DNAH5: variants seen among roughly 807,000 people sequenced by gnomAD.
DNAH5 encodes dynein axonemal heavy chain 5, also known as axonemal beta dynein heavy chain 5.
Under a neutral mutation model 518.2 loss-of-function variants are expected in DNAH5, and 372 were observed. The observed-to-expected ratio is 0.72, with a 90% CI of 0.66 to 0.78. The LOEUF is 0.78. DNAH5 is among the 30% of genes least tolerant of loss of function. The pLI, the probability that DNAH5 is intolerant of heterozygous loss-of-function variation, is 0.00. For synonymous variants in DNAH5, 2,039 were observed against 2,025.9 expected (o/e 1.01, Z -0.17); for missense variants, 5,523 against 5,687.0 (o/e 0.97, Z 0.93).
intron 47 of DNAH5, among the ~76,000 whole-genome samples, chr5:13,796,057 A>G (rs1757771727): frequency 6.6e-6 from 1 of 152,216 alleles, no homozygotes; most frequent in East Asian, 1.9e-4. Flanking sequence ...TCTCAAAATA[A>G]TAAGAGCTAT....
chr5:13,714,714 T>C, intron 74 of DNAH5, 94 bp from the exon 75 acceptor site: 1 of 1,193,532 alleles, frequency 8.4e-7, no homozygotes, highest in Admixed American at 2.0e-5. Context: ...TCTATGAGGG[T>C]ATGCATTTAC....
intron 22 of DNAH5, 110 bp downstream of exon 22, chr5:13,876,574 G>T: frequency 7.7e-7 from 1 of 1,297,890 alleles, no homozygotes; most frequent in African/African-American, 1.5e-5. Context: ...CTCCCTGAAA[G>T]CACAGTGTGT....
chr5:13,919,467 G>T, intron 6 of DNAH5, 115 bp from the exon 7 acceptor site: 1 of 1,272,128 alleles, frequency 7.9e-7, no homozygotes, highest in Non-Finnish European at 1.1e-6. Context: ...CATGATATAT[G>T]CGTATTCCAT....
chr5:13,900,123 T>C, intron 15 of DNAH5, 83 bp downstream of exon 15: 1 of 1,265,188 alleles, frequency 7.9e-7, no homozygotes, highest in East Asian at 2.5e-5. Flanking sequence ...TTTCTGCTCC[T>C]TGAATATGAC....
intron 1 of DNAH5, among the ~76,000 whole-genome samples, chr5:13,944,079 T>C (rs1181473453): frequency 6.6e-6 from 1 of 152,218 alleles, no homozygotes; most frequent in East Asian, 1.9e-4. Flanking sequence ...GAATACAAAG[T>C]GCCCAAACCA....
At chr5:13,843,307 T>G (rs953912535) in intron 32 of DNAH5, among the ~76,000 whole-genome samples, 4 of 152,144 alleles carry the variant, frequency 2.6e-5, no homozygotes, top group Non-Finnish European at 5.9e-5. Flanking sequence ...ACAAATCAGG[T>G]CACTGCCCTG....
intron 55 of DNAH5, 74 bp downstream of exon 55, chr5:13,776,365 C>T (rs1250799423): frequency 2.5e-6 from 4 of 1,592,766 alleles, no homozygotes; most frequent in Non-Finnish European, 3.4e-6. Flanking sequence ...TGAGGCAGAG[C>T]CTTCAAGCAT....
chr5:13,823,491 T>TA, intron 39 of DNAH5, 121 bp from the exon 40 acceptor site: 1 of 695,982 alleles, frequency 1.4e-6, no homozygotes, highest in Non-Finnish European at 2.6e-6. Flanking sequence ...ACAAATAACA[T>TA]ATCACCTTTA....
At chr5:13,864,892 C>T (rs1384123839) in intron 27 of DNAH5, among the ~76,000 whole-genome samples, 3 of 151,916 alleles carry the variant, frequency 2.0e-5, no homozygotes, top group East Asian at 1.9e-4. Flanking sequence ...TATTTTAGAG[C>T]GTAGAGGTGC....
chr5:13,946,093 G>C (rs1282231167), upstream of DNAH5, among the ~76,000 whole-genome samples: 1 of 152,170 alleles, frequency 6.6e-6, no homozygotes, highest in Non-Finnish European at 1.5e-5. Flanking sequence ...AGAATCCTCT[G>C]TCAACACATG....
At chr5:13,728,117 T>G (rs1451820352) in intron 69 of DNAH5, among the ~76,000 whole-genome samples, 1 of 152,226 alleles carries the variant, frequency 6.6e-6, no homozygotes, top group Non-Finnish European at 1.5e-5. Flanking sequence ...AATGAACAGC[T>G]TTTTGATCAA....
rs938574571 is a variant in DNAH5 at position 13,711,237 on chromosome 5, C to T, written c.13126-2902G>A. Among the ~76,000 whole-genome samples, 54 of 152,132 alleles carry T rather than the reference C, an allele frequency of 3.5e-4. 1 individual carries two copies. The highest frequency in any genetic ancestry group is 7.2e-5 in the African/African-American group (3 of 41,420). On this transcript the variant is annotated intron_variant, in intron 75 of 78. Transcript: ENST00000265104. Reference sequence around the variant, plus strand: ...CATACGCAAGTCAATAAATGTGATACACCACATAAACAGAATTAAAAACAA... The same window carrying T: ...CATACGCAAGTCAATAAATGTGATATACCACATAAACAGAATTAAAAACAA...
intron 53 of DNAH5, among the ~76,000 whole-genome samples, chr5:13,779,484 A>C (rs924101203): frequency 1.3e-5 from 2 of 152,192 alleles, no homozygotes; most frequent in Non-Finnish European, 2.9e-5. Flanking sequence ...TGTTCTGCTT[A>C]TCAGTGCCTG....
chr5:13,694,095 T>C (rs1741048137), intron 78 of DNAH5, among the ~76,000 whole-genome samples: 1 of 152,200 alleles, frequency 6.6e-6, no homozygotes, highest in East Asian at 1.9e-4. Context: ...TTTATAAACC[T>C]TGAAGTAAGC....
intron 7 of DNAH5, 30 bp from the exon 8 acceptor site, chr5:13,917,286 T>C (rs749327122): frequency 6.5e-7 from 1 of 1,535,030 alleles, no homozygotes; most frequent in East Asian, 2.3e-5. Flanking sequence ...GCAATTTTAA[T>C]GTAATTATTA....
At chr5:13,923,503 GA>G (rs1255497167) in intron 3 of DNAH5, 63 bp from the exon 4 acceptor site, 2 of 1,585,888 alleles carry the variant, frequency 1.3e-6, no homozygotes, top group Non-Finnish European at 1.7e-6. Flanking sequence ...GTTCCCTTTG[GA>G]ATGAAGTTTC....
intron 21 of DNAH5, among the ~76,000 whole-genome samples, chr5:13,878,412 G>A (rs1159427069): frequency 2.0e-5 from 3 of 152,150 alleles, no homozygotes; most frequent in Non-Finnish European, 4.4e-5. Flanking sequence ...TTCTGGGAAG[G>A]GGCTTCTGGC....
At chr5:13,971,489 C>A (rs1335890965) in intron 1 of DNAH5, among the ~76,000 whole-genome samples, 3 of 152,140 alleles carry the variant, frequency 2.0e-5, no homozygotes, top group Non-Finnish European at 2.9e-5. Context: ...GTGTTCTCCC[C>A]CTTCCCCTAG....
chr5:13,779,847 C>T (rs1307504267), intron 53 of DNAH5, among the ~76,000 whole-genome samples: 3 of 152,176 alleles, frequency 2.0e-5, no homozygotes, highest in Non-Finnish European at 2.9e-5. Context: ...CTCACTGCTG[C>T]CACTCATGAC....
Sources: allele counts gnomAD v4.1 joint callset (sites outside exome capture counted in the v4.1 genomes callset), GRCh38; gene constraint gnomAD v4.1.1; transcripts MANE v1.5; gene names NCBI Gene and HGNC (gene_info 2026-07-23, HGNC 2026-07-21).